Variants in GSG1L observed in about 807,000 individuals in gnomAD.
GSG1L encodes the protein GSG1 like.
A neutral mutation model predicts 42.1 loss-of-function variants in GSG1L; 24 were observed. That is an observed-to-expected ratio of 0.57 (90% CI 0.41 to 0.80). GSG1L has a LOEUF of 0.80. Ranked by LOEUF, GSG1L falls within the 30% of genes least tolerant of loss-of-function variation. The pLI, the probability that GSG1L is intolerant of heterozygous loss-of-function variation, is 0.00. For missense variants in GSG1L, 445 were observed against 472.2 expected (o/e 0.94, Z 0.53); for synonymous variants, 215 against 203.5 (o/e 1.06, Z -0.48).
chr16:27,925,882 G>T (rs1011887138), intron 2 of GSG1L, among the ~76,000 whole-genome samples: 15 of 152,218 alleles, frequency 9.9e-5, no homozygotes, highest in Middle Eastern at 3.2e-3. Context: ...CAGGCAAGGT[G>T]CCAGCACCTC....
At chr16:28,009,621 A>G (rs1423669556) in intron 1 of GSG1L, among the ~76,000 whole-genome samples, 3 of 152,186 alleles carry the variant, frequency 2.0e-5, no homozygotes, top group African/African-American at 7.2e-5. Flanking sequence ...CTCTGGCCCT[A>G]CCAGGCAAGG....
chr16:28,030,749 A>G (rs28504291), intron 1 of GSG1L, among the ~76,000 whole-genome samples: 10 of 95,840 alleles, frequency 1.0e-4, no homozygotes, highest in Admixed American at 4.8e-4. Context: ...GGGATGGGTT[A>G]GGATGGAATG....
At chr16:27,944,440 G>A (rs1463639159) in intron 2 of GSG1L, among the ~76,000 whole-genome samples, 4 of 151,748 alleles carry the variant, frequency 2.6e-5, no homozygotes, top group Non-Finnish European at 5.9e-5. Context: ...TGGCCAACAC[G>A]GCAAAACCCT....
At chr16:27,964,151 GA>G (rs2085102988) in intron 1 of GSG1L, among the ~76,000 whole-genome samples, 2 of 152,106 alleles carry the variant, frequency 1.3e-5, no homozygotes, top group Non-Finnish European at 2.9e-5. Context: ...CAAACATGGT[GA>G]AACCCCATCT....
At chr16:27,855,740 AGAG>A (rs370646448) in intron 3 of GSG1L, among the ~76,000 whole-genome samples, 7 of 143,590 alleles carry the variant, frequency 4.9e-5, no homozygotes, top group East Asian at 2.0e-4. Flanking sequence ...AAAAAAAAAA[AGAG>A]ACCAACGGAA....
At chr16:27,852,919 C>T (rs953863174) in intron 3 of GSG1L, among the ~76,000 whole-genome samples, 2 of 152,002 alleles carry the variant, frequency 1.3e-5, no homozygotes, top group African/African-American at 4.8e-5. Context: ...CATGGAGCCC[C>T]GGGGCACCGG....
intron 2 of GSG1L, among the ~76,000 whole-genome samples, chr16:27,907,074 G>A (rs2084328530): frequency 6.6e-6 from 1 of 152,228 alleles, no homozygotes; most frequent in Non-Finnish European, 1.5e-5. Context: ...GATTGGTTAA[G>A]GGATGGGCAC....
intron 1 of GSG1L, among the ~76,000 whole-genome samples, chr16:28,030,800 A>ATGG (rs2085951407): frequency 7.2e-5 from 4 of 55,626 alleles, no homozygotes; most frequent in East Asian, 5.9e-4. Flanking sequence ...GGATGGGATG[A>ATGG]GATAAGTTGT....
At chr16:28,056,369 G>A (rs2086279418) in intron 1 of GSG1L, among the ~76,000 whole-genome samples, 1 of 149,928 alleles carries the variant, frequency 6.7e-6, no homozygotes, top group African/African-American at 2.5e-5. Context: ...ACTATCGCAA[G>A]GACAAAAAAC....
At chr16:27,804,042 GATA>G (rs1567460732) in intron 6 of GSG1L, among the ~76,000 whole-genome samples, 3 of 72,240 alleles carry the variant, frequency 4.2e-5, no homozygotes, top group Non-Finnish European at 1.0e-4. Context: ...TAGATGGATA[GATA>G]GATAGATAGA....
chr16:27,870,658 C>A (rs2083808459), intron 3 of GSG1L, among the ~76,000 whole-genome samples: 1 of 151,530 alleles, frequency 6.6e-6, no homozygotes, highest in African/African-American at 2.4e-5. Flanking sequence ...CTGCCTCAAA[C>A]CTCACACGCC....
At chr16:27,872,707 C>T (rs1567497982) in intron 3 of GSG1L, among the ~76,000 whole-genome samples, 1 of 152,198 alleles carries the variant, frequency 6.6e-6, no homozygotes, top group Non-Finnish European at 1.5e-5. Flanking sequence ...GTTGTCCTTA[C>T]TGCTCATTAT....
intron 5 of GSG1L, among the ~76,000 whole-genome samples, chr16:27,819,800 C>T (rs2083132992): frequency 6.6e-6 from 1 of 152,130 alleles, no homozygotes; most frequent in African/African-American, 2.4e-5. Flanking sequence ...GGTCCTGTTA[C>T]CCTGATGACG....
At chr16:27,913,847 T>G (rs1205841206) in intron 2 of GSG1L, among the ~76,000 whole-genome samples, 1 of 152,174 alleles carries the variant, frequency 6.6e-6, no homozygotes, top group Non-Finnish European at 1.5e-5. Flanking sequence ...TTTTAAAATT[T>G]TTTTCTACGT....
intron 3 of GSG1L, among the ~76,000 whole-genome samples, chr16:27,857,521 C>A (rs999089920): frequency 6.6e-6 from 1 of 151,570 alleles, no homozygotes; most frequent in African/African-American, 2.4e-5. Context: ...GCAGGAGGAT[C>A]ACTTGAGGCC....
At chr16:27,960,256 C>G (rs763833797) in intron 2 of GSG1L, among the ~76,000 whole-genome samples, 2 of 151,210 alleles carry the variant, frequency 1.3e-5, no homozygotes, top group Non-Finnish European at 3.0e-5. Flanking sequence ...AAGAGCCAGA[C>G]TGTTCAGGTT....
chr16:27,962,116 A>T (rs1007450699), intron 2 of GSG1L, among the ~76,000 whole-genome samples: 29 of 152,250 alleles, frequency 1.9e-4, no homozygotes, highest in African/African-American at 6.7e-4. Flanking sequence ...GAGGGTAGGC[A>T]GGTGGGGAGG....
At chr16:28,004,106 G>A (rs892168255) in intron 1 of GSG1L, among the ~76,000 whole-genome samples, 1 of 152,194 alleles carries the variant, frequency 6.6e-6, no homozygotes, top group Admixed American at 6.5e-5. Context: ...GGTGGAGGGG[G>A]CAGGAGAGAG....
chr16:27,932,333 G>A (rs1007953132), intron 2 of GSG1L, among the ~76,000 whole-genome samples: 6 of 152,176 alleles, frequency 3.9e-5, no homozygotes, highest in African/African-American at 1.4e-4. Flanking sequence ...GATTATAGGT[G>A]TGAGCCACTT....
Sources: allele counts gnomAD v4.1 joint callset (sites outside exome capture counted in the v4.1 genomes callset), GRCh38; gene constraint gnomAD v4.1.1; transcripts MANE v1.5; gene names NCBI Gene and HGNC (gene_info 2026-07-23, HGNC 2026-07-21).